Variants in ZNF827 observed in about 807,000 individuals in gnomAD.
ZNF827 encodes zinc finger protein 827.
A neutral mutation model predicts 102.4 loss-of-function variants in ZNF827; 13 were observed. The observed-to-expected ratio is 0.13, with a 90% CI of 0.08 to 0.20. The LOEUF (loss-of-function observed/expected upper bound fraction) is 0.20. ZNF827 is among the 10% of genes least tolerant of loss of function. The pLI is 1.00. For missense variants in ZNF827, 1,103 were observed against 1,344.4 expected, an observed-to-expected ratio of 0.82 and a Z score of 2.81; for synonymous variants, 523 against 536.2, an observed-to-expected ratio of 0.98 and a Z score of 0.34.
At chr4:145,880,190 G>A (rs539345769) in intron 4 of ZNF827, among the ~76,000 whole-genome samples, 5 of 152,286 alleles carry the variant, frequency 3.3e-5, no homozygotes, top group Admixed American at 2.6e-4. Flanking sequence ...AGCCGAGATC[G>A]CATCACTGAC....
intron 1 of ZNF827, among the ~76,000 whole-genome samples, chr4:145,923,782 A>AT (rs1253466323): frequency 6.6e-6 from 1 of 152,240 alleles, no homozygotes; most frequent in East Asian, 1.9e-4. Flanking sequence ...TAGAATCAGT[A>AT]TTTTTAATAA....
chr4:145,852,777 G>A (rs1022607631), intron 5 of ZNF827, among the ~76,000 whole-genome samples: 1 of 152,014 alleles, frequency 6.6e-6, no homozygotes, highest in East Asian at 1.9e-4. Flanking sequence ...TTTAAGAAAC[G>A]TAGGTCTCAC....
chr4:145,889,843 G>A (rs758744877), intron 3 of ZNF827, among the ~76,000 whole-genome samples: 3 of 152,066 alleles, frequency 2.0e-5, no homozygotes, highest in Non-Finnish European at 2.9e-5. Flanking sequence ...CAGGCGTGGT[G>A]GCGGACGCCT....
At chr4:145,873,363 G>A (rs778086755) in intron 4 of ZNF827, among the ~76,000 whole-genome samples, 20 of 152,298 alleles carry the variant, frequency 1.3e-4, no homozygotes, top group South Asian at 1.0e-3. Flanking sequence ...ATCCAATGGC[G>A]TTCCAATATT....
rs572966031 is a variant in ZNF827, at chr4:145,902,460, G to C, written c.799C>G (p.Pro267Ala). The C allele has an allele frequency of 3.7e-6, 6 of 1,614,158 alleles. No individual in the cohort carries two copies. The Admixed American group carries it at 5.0e-5, about 13-fold the overall frequency. Reference sequence around the variant, plus strand: ...GCCGGTGGAGGGTGCTCCTGACCAGGAGTCAAACTTCTTTCACTGACCTTC... The same window carrying C: ...GCCGGTGGAGGGTGCTCCTGACCAGCAGTCAAACTTCTTTCACTGACCTTC... ...SKKVSERSLT[P>A]GQEHPPPASS... is the part of the protein sequence containing the mutation. The change falls in exon 2 of 15, where the codon CCT becomes GCT. Residue 267 changes from proline (P) to alanine (A), a missense_variant. Physicochemically the swap from Pro to Ala is conservative, Grantham distance 27. Coordinates refer to ENST00000508784, the MANE Select transcript of ZNF827 (RefSeq NM_001306215.2). This position sits in a 1 kb window ranked among gnomAD's most constrained non-coding sequence, Gnocchi z 4.3.
At chr4:145,905,633 G>A (rs1751794120) in intron 1 of ZNF827, among the ~76,000 whole-genome samples, 1 of 152,126 alleles carries the variant, frequency 6.6e-6, no homozygotes, top group African/African-American at 2.4e-5. Context: ...TTGGAGAGAT[G>A]CTTTTTACCA....
chr4:145,908,575 A>G (rs186506847), intron 1 of ZNF827, among the ~76,000 whole-genome samples: 68 of 152,354 alleles, frequency 4.5e-4, no homozygotes, highest in Non-Finnish European at 5.4e-4. Context: ...AGTTATACTC[A>G]TAATAAGTGC....
At chr4:145,884,861 T>A (rs991943106) in intron 4 of ZNF827, among the ~76,000 whole-genome samples, 1 of 152,180 alleles carries the variant, frequency 6.6e-6, no homozygotes, top group Non-Finnish European at 1.5e-5. Context: ...AAAAAGAATT[T>A]TTTTTAAAAA....
At position 145,765,448 on chromosome 4, in the gene ZNF827, T is replaced by TA; in HGVS notation, c.3052+98dup. The TA allele has an allele frequency of 7.2e-7, 1 of 1,389,166 alleles. No homozygotes were observed. 86.1% of individuals were successfully genotyped at this position (1,389,166 alleles called of 1,614,324 possible). A position where few individuals can be genotyped will look rare whatever the true frequency, so the allele number is the denominator to read the frequency against. ...CCAGCATACTGCATCCTGGGCCTATTATCAGTTTTTGACATCGCTCCTGTG... is the reference window on the plus strand; with the variant it reads ...CCAGCATACTGCATCCTGGGCCTATTAATCAGTTTTTGACATCGCTCCTGTG... On this transcript the variant is annotated intron_variant, in intron 12 of 14. Transcript: ENST00000508784. This position sits in a 1 kb window ranked among gnomAD's most constrained non-coding sequence, Gnocchi z 4.7.
chr4:145,938,501 G>C lies in ZNF827; in HGVS notation c.-94C>G. 4 of 836,880 alleles carry C rather than the reference G, an allele frequency of 4.8e-6. No individual in the cohort carries two copies. Among genetic ancestry groups the C allele is most frequent in the Non-Finnish European group, 7.3e-6 (4 of 545,490 alleles). The allele number at this position is 836,880 out of a possible 1,614,324, so 51.8% of individuals were successfully genotyped here. A position where few individuals can be genotyped will look rare whatever the true frequency, so the allele number is the denominator to read the frequency against. ...AGGCAGACACTGGCAGGAGCGGGGA[G>C]GTAGTTGGGGGGCGGGCGGGCGGGC... On this transcript the variant is annotated 5_prime_UTR_variant, in exon 1 of 15. Coordinates refer to ENST00000508784, the MANE Select transcript of ZNF827 (RefSeq NM_001306215.2).
intron 2 of ZNF827, among the ~76,000 whole-genome samples, chr4:145,896,205 G>A (rs1206880934): frequency 6.6e-6 from 1 of 152,194 alleles, no homozygotes; most frequent in Non-Finnish European, 1.5e-5. Flanking sequence ...GCCCTGCAAA[G>A]CTGAAAACTC....
At chr4:145,842,154 CT>C (rs1319846402) in intron 7 of ZNF827, among the ~76,000 whole-genome samples, 1 of 152,124 alleles carries the variant, frequency 6.6e-6, no homozygotes, top group Non-Finnish European at 1.5e-5. Context: ...GATCCAGAAA[CT>C]TGGTAGTTAT....
intron 8 of ZNF827, among the ~76,000 whole-genome samples, chr4:145,802,380 C>T (rs1171478901): frequency 6.6e-6 from 1 of 152,202 alleles, no homozygotes; most frequent in Non-Finnish European, 1.5e-5. Flanking sequence ...TTGGGCACAA[C>T]TTCAAAGGTC....
intron 4 of ZNF827, 54 bp downstream of exon 4, chr4:145,885,623 AG>A: frequency 3.0e-6 from 4 of 1,348,728 alleles, no homozygotes; most frequent in Non-Finnish European, 2.9e-6. Flanking sequence ...AGAGAGAGAG[AG>A]AGAGAGAGAG....
At chr4:145,820,413 T>C (rs1743028501) in intron 8 of ZNF827, among the ~76,000 whole-genome samples, 3 of 152,240 alleles carry the variant, frequency 2.0e-5, no homozygotes, top group Admixed American at 2.0e-4. Flanking sequence ...CATTATCTGC[T>C]GAACAAAGAC....
At chr4:145,927,277 G>A (rs1271100082) in intron 1 of ZNF827, among the ~76,000 whole-genome samples, 1 of 152,198 alleles carries the variant, frequency 6.6e-6, no homozygotes, top group African/African-American at 2.4e-5. Flanking sequence ...CAGTGTCACT[G>A]CATGTGACTC....
In ZNF827 at chr4:145,762,993, T is replaced by C. The variant is rs1162213557; in HGVS notation, c.*17+97A>G. On this transcript the variant is annotated intron_variant, in intron 14 of 14. Transcript: ENST00000508784. The surrounding 1 kb of genome is among the most constrained non-coding windows in gnomAD (Gnocchi z 4.9). ...TCAGCGCCAAGCTCGCCGTTAGCCT[T>C]TGAACCTCAGCTCACAGAAGAGTGC... The C allele has an allele frequency of 8.0e-7, 1 of 1,250,258 alleles. No homozygotes were observed. The highest frequency in any genetic ancestry group is 2.3e-5 in the Admixed American group (1 of 43,772). The allele number at this position is 1,250,258 out of a possible 1,614,324, so 77.4% of individuals were successfully genotyped here. A position where few individuals can be genotyped will look rare whatever the true frequency, so the allele number is the denominator to read the frequency against.
Position 145,765,409 on chromosome 4 carries a change from C to A in ZNF827, c.3052+138G>T, listed in dbSNP as rs4348115. On this transcript the variant is annotated intron_variant, in intron 12 of 14. Transcript: ENST00000508784. The surrounding 1 kb of genome is among the most constrained non-coding windows in gnomAD (Gnocchi z 4.7). Reference sequence around the variant, plus strand: ...TCAAATTAAGCCAAAAGAAATACAACCTTTAGGTGAGGCCCAGCATACTGC... The same window carrying A: ...TCAAATTAAGCCAAAAGAAATACAAACTTTAGGTGAGGCCCAGCATACTGC... 0.95 allele frequency: 1,063,210 copies of A among 1,116,550 alleles called. 506,420 individuals carry two copies. The highest frequency in any genetic ancestry group is 0.99 in the African/African-American group (62,861 of 63,466). 69.2% of individuals were successfully genotyped at this position (1,116,550 alleles called of 1,614,324 possible). A position where few individuals can be genotyped will look rare whatever the true frequency, so the allele number is the denominator to read the frequency against.
chr4:145,909,700 G>A (rs569248335), intron 1 of ZNF827, among the ~76,000 whole-genome samples: 11 of 152,330 alleles, frequency 7.2e-5, no homozygotes, highest in African/African-American at 2.4e-4. Flanking sequence ...GGTTTCTTCT[G>A]CCGCATATCA....
Sources: allele counts gnomAD v4.1 joint callset (sites outside exome capture counted in the v4.1 genomes callset), GRCh38; gene constraint gnomAD v4.1.1; non-coding constraint Gnocchi (gnomAD v3.1); transcripts MANE v1.5; gene names NCBI Gene and HGNC (gene_info 2026-07-23, HGNC 2026-07-21).